Variants in FSTL4 observed in about 807,000 individuals in gnomAD.
FSTL4 encodes follistatin like 4, also known as follistatin-related protein 4.
In FSTL4, 28 loss-of-function variants were observed where a neutral mutation model predicts 78.2. That is an observed-to-expected ratio of 0.36 (90% CI 0.27 to 0.49). FSTL4 has a LOEUF of 0.49. FSTL4 is among the 20% of genes least tolerant of loss of function. The pLI is 0.98. For synonymous variants in FSTL4, 422 were observed against 440.5 expected (o/e 0.96, Z 0.53); for missense variants, 922 against 1,084.9 (o/e 0.85, Z 2.11).
the FSTL4 span, among the ~76,000 whole-genome samples, chr5:133,806,505 T>C: frequency 6.6e-6 from 1 of 152,248 alleles, no homozygotes; most frequent in Non-Finnish European, 1.5e-5. Context: ...GTATATTTTG[T>C]CCTGATTATT....
the FSTL4 span, among the ~76,000 whole-genome samples, chr5:133,654,880 T>C: frequency 1.3e-5 from 2 of 152,146 alleles, no homozygotes; most frequent in African/African-American, 4.8e-5. Flanking sequence ...AGCCCTCTGG[T>C]ATTGCTTGAG....
At chr5:133,509,974 G>A (rs1005866066) in intron 3 of FSTL4, among the ~76,000 whole-genome samples, 1 of 152,248 alleles carries the variant, frequency 6.6e-6, no homozygotes, top group African/African-American at 2.4e-5. Flanking sequence ...GATATGGAGT[G>A]TAGGCAAAAG....
chr5:133,716,878 T>C, the FSTL4 span, among the ~76,000 whole-genome samples: 9 of 152,372 alleles, frequency 5.9e-5, no homozygotes, highest in African/African-American at 2.2e-4. Flanking sequence ...CAACATTTCT[T>C]AAATTACTGA....
chr5:133,494,569 G>A (rs981198187), intron 3 of FSTL4, among the ~76,000 whole-genome samples: 1 of 152,208 alleles, frequency 6.6e-6, no homozygotes, highest in East Asian at 1.9e-4. Context: ...CTGAGAGGCA[G>A]TAATTTTTGA....
chr5:133,821,928 G>A, the FSTL4 span, among the ~76,000 whole-genome samples: 1 of 152,142 alleles, frequency 6.6e-6, no homozygotes, highest in Non-Finnish European at 1.5e-5. Flanking sequence ...AGGGTCTTAT[G>A]GGAGCCCAAC....
intron 6 of FSTL4, among the ~76,000 whole-genome samples, chr5:133,299,210 G>A (rs1428981184): frequency 1.3e-5 from 2 of 152,156 alleles, no homozygotes; most frequent in African/African-American, 2.4e-5. Context: ...GGCTGAGTCC[G>A]GCAAGATCAA....
At chr5:133,536,270 T>C (rs1438334280) in intron 3 of FSTL4, among the ~76,000 whole-genome samples, 1 of 152,216 alleles carries the variant, frequency 6.6e-6, no homozygotes, top group East Asian at 1.9e-4. Context: ...TTAGTCTATA[T>C]TCTTCCATAT....
At chr5:133,438,895 T>TA (rs1388372894) in intron 3 of FSTL4, among the ~76,000 whole-genome samples, 1 of 152,202 alleles carries the variant, frequency 6.6e-6, no homozygotes, top group African/African-American at 2.4e-5. Context: ...TTGCATTATA[T>TA]AAAAAAGGGC....
the FSTL4 span, among the ~76,000 whole-genome samples, chr5:133,732,840 C>T: frequency 4.1e-3 from 626 of 152,332 alleles, 1 homozygote; most frequent in Non-Finnish European, 6.3e-3. Flanking sequence ...GAAGGGGCCA[C>T]CTGAGGTGGC....
At chr5:133,553,141 C>T (rs905788031) in intron 3 of FSTL4, among the ~76,000 whole-genome samples, 1 of 152,122 alleles carries the variant, frequency 6.6e-6, no homozygotes, top group Non-Finnish European at 1.5e-5. Flanking sequence ...GTGAGTCCCG[C>T]GGTACCCGGA....
At chr5:133,441,536 C>T (rs1435221624) in intron 3 of FSTL4, among the ~76,000 whole-genome samples, 1 of 152,182 alleles carries the variant, frequency 6.6e-6, no homozygotes, top group Admixed American at 6.5e-5. Flanking sequence ...GTGGAAAATC[C>T]ACCAGCACGG....
chr5:133,694,343 G>A, the FSTL4 span, among the ~76,000 whole-genome samples: 5 of 152,154 alleles, frequency 3.3e-5, no homozygotes, highest in South Asian at 2.1e-4. Flanking sequence ...TTGCCTGGGC[G>A]ATCTGCCATG....
chr5:133,373,450 T>A (rs1001985356), intron 4 of FSTL4, among the ~76,000 whole-genome samples: 1 of 152,186 alleles, frequency 6.6e-6, no homozygotes, highest in African/African-American at 2.4e-5. Flanking sequence ...AACACCACCA[T>A]GTGGGAGGGT....
At chr5:133,707,481 G>A in the FSTL4 span, among the ~76,000 whole-genome samples, 15 of 152,198 alleles carry the variant, frequency 9.9e-5, no homozygotes, top group Non-Finnish European at 1.3e-4. Flanking sequence ...TGGGGAAAAC[G>A]AATGATGCAC....
chr5:133,688,445 A>G, the FSTL4 span, among the ~76,000 whole-genome samples: 1 of 152,196 alleles, frequency 6.6e-6, no homozygotes, highest in Admixed American at 6.5e-5. Flanking sequence ...AACAACAACA[A>G]ATGGTGGTTC....
chr5:133,449,570 A>G (rs1210815756), intron 3 of FSTL4, among the ~76,000 whole-genome samples: 1 of 152,096 alleles, frequency 6.6e-6, no homozygotes, highest in Admixed American at 6.5e-5. Context: ...TGTGGGGAAA[A>G]CCTGGAAAAC....
chr5:133,662,619 G>A, the FSTL4 span, among the ~76,000 whole-genome samples: 1 of 152,276 alleles, frequency 6.6e-6, no homozygotes, highest in African/African-American at 2.4e-5. Flanking sequence ...AAATCTTCAG[G>A]CCATGAAAAA....
chr5:133,740,130 C>G, the FSTL4 span, among the ~76,000 whole-genome samples: 1 of 152,100 alleles, frequency 6.6e-6, no homozygotes, highest in Non-Finnish European at 1.5e-5. Context: ...GCAATCTACC[C>G]ACCTTGGCCT....
the FSTL4 span, among the ~76,000 whole-genome samples, chr5:133,780,500 T>C: frequency 2.0e-5 from 3 of 152,042 alleles, no homozygotes; most frequent in Non-Finnish European, 2.9e-5. Context: ...TCCTGTGTAT[T>C]GTTGGGGTCT....
Sources: gnomAD v4.1 joint callset for allele counts (sites outside exome capture counted in the v4.1 genomes callset) on GRCh38, gnomAD v4.1.1 for gene constraint, MANE v1.5 for transcripts, NCBI Gene and HGNC (gene_info 2026-07-23, HGNC 2026-07-21) for gene names.